The following RBFOX1 variants were observed in gnomAD, a reference collection of about 807,000 sequenced individuals.
RBFOX1 encodes RNA binding fox-1 homolog 1.
In RBFOX1, 8 loss-of-function variants were observed where a neutral mutation model predicts 57.7. That is an observed-to-expected ratio of 0.14 (90% CI 0.08 to 0.25). The LOEUF (loss-of-function observed/expected upper bound fraction) is 0.25, where lower values mean the gene tolerates loss of function less well. Among genes scored for constraint, RBFOX1 ranks in the 10% least tolerant of loss-of-function variants. RBFOX1 has a pLI of 1.00. For synonymous variants in RBFOX1, 326 were observed against 222.4 expected (o/e 1.47, Z -4.15); for missense variants, 611 against 548.5 (o/e 1.11, Z -1.14).
At chr16:5,843,897 G>C (rs1276938389) in intron 3 of RBFOX1, among the ~76,000 whole-genome samples, 1 of 152,206 alleles carries the variant, frequency 6.6e-6, no homozygotes, top group African/African-American at 2.4e-5. Context: ...AAGCGCACCT[G>C]AGTTGGGTTC....
intron 4 of RBFOX1, among the ~76,000 whole-genome samples, chr16:7,496,180 G>C (rs2068578890): frequency 6.6e-6 from 1 of 152,136 alleles, no homozygotes; most frequent in Non-Finnish European, 1.5e-5. Context: ...GTCTTGCTCT[G>C]TCTCCCAGGT....
At chr16:6,483,982 G>T in intron 2 of RBFOX1, 1 of 1,014,212 alleles carries the variant, frequency 9.9e-7, no homozygotes. Context: ...TGGGTGCCCC[G>T]TGGTGGGGGT....
chr16:6,643,641 G>A (rs1459897911), intron 2 of RBFOX1, among the ~76,000 whole-genome samples: 1 of 152,150 alleles, frequency 6.6e-6, no homozygotes, highest in East Asian at 1.9e-4. Context: ...GTGTAAGGGA[G>A]AGTATAAAAT....
chr16:7,475,141 T>C (rs181038227), intron 4 of RBFOX1, among the ~76,000 whole-genome samples: 1 of 152,234 alleles, frequency 6.6e-6, no homozygotes, highest in East Asian at 1.9e-4. Context: ...GTAGAGGTTG[T>C]CTTTCACGTG....
intron 1 of RBFOX1, among the ~76,000 whole-genome samples, chr16:6,169,723 C>G (rs892479011): frequency 9.2e-5 from 14 of 152,162 alleles, no homozygotes; most frequent in African/African-American, 3.1e-4. Context: ...TAGGATTGGC[C>G]AAGACTCAGT....
At chr16:5,934,521 G>C (rs190393353) in intron 4 of RBFOX1, among the ~76,000 whole-genome samples, 5 of 152,286 alleles carry the variant, frequency 3.3e-5, no homozygotes, top group African/African-American at 1.2e-4. Context: ...CCTAGTCCAC[G>C]ACTCACGTTG....
In RBFOX1 at chr16:7,020,073, C is replaced by T. The variant is rs141528961; in HGVS notation, c.-15-31984C>T. Among the ~76,000 whole-genome samples the T allele has an allele frequency of 6.5e-3, 981 of 151,962 alleles. 6 individuals carry two copies. Among genetic ancestry groups the T allele is most frequent in the Middle Eastern group, 0.014 (4 of 294 alleles). On this transcript the variant is annotated intron_variant, in intron 3 of 15. Coordinates refer to ENST00000550418, the MANE Select transcript of RBFOX1 (RefSeq NM_018723.4). Reference sequence around the variant, plus strand: ...GCTTAGGTGAACCTTTCATGTCTTCCTGTAGCCTCCCCACTTCCATTGTCA... The same window carrying T: ...GCTTAGGTGAACCTTTCATGTCTTCTTGTAGCCTCCCCACTTCCATTGTCA...
chr16:7,208,438 G>A (rs1179441356), intron 4 of RBFOX1, among the ~76,000 whole-genome samples: 1 of 152,194 alleles, frequency 6.6e-6, no homozygotes, highest in Non-Finnish European at 1.5e-5. Flanking sequence ...AGGACTTCAT[G>A]CTGCTTCCAC....
chr16:6,994,723 A>G (rs139777940), intron 3 of RBFOX1, among the ~76,000 whole-genome samples: 169 of 152,322 alleles, frequency 1.1e-3, no homozygotes, highest in African/African-American at 3.8e-3. Context: ...TGAAGCTATC[A>G]TATTCCACAG....
chr16:5,889,643 C>G (rs1428527571), intron 4 of RBFOX1, among the ~76,000 whole-genome samples: 1 of 152,230 alleles, frequency 6.6e-6, no homozygotes, highest in African/African-American at 2.4e-5. Context: ...AGACTCCACA[C>G]ATGTCCTCGT....
intron 1 of RBFOX1, among the ~76,000 whole-genome samples, chr16:6,223,035 A>C (rs947145084): frequency 1.3e-5 from 2 of 149,586 alleles, no homozygotes; most frequent in African/African-American, 4.9e-5. Flanking sequence ...TGAACTCATC[A>C]TTTTTTATGG....
At chr16:7,545,799 C>T (rs2084304803) in intron 5 of RBFOX1, among the ~76,000 whole-genome samples, 1 of 152,034 alleles carries the variant, frequency 6.6e-6, no homozygotes, top group South Asian at 2.1e-4. Context: ...CTCAGCTCTG[C>T]CATTCTGACA....
chr16:5,745,086 C>T (rs1193932148), intron 3 of RBFOX1, among the ~76,000 whole-genome samples: 1 of 152,148 alleles, frequency 6.6e-6, no homozygotes, highest in African/African-American at 2.4e-5. Context: ...AGTGCTATCC[C>T]TCCCCCTTCC....
chr16:5,687,497 G>T (rs1171216412), intron 3 of RBFOX1, among the ~76,000 whole-genome samples: 2 of 152,206 alleles, frequency 1.3e-5, no homozygotes, highest in Admixed American at 6.5e-5. Context: ...GAGTCATTCT[G>T]AAGCTATGTT....
intron 11 of RBFOX1, among the ~76,000 whole-genome samples, chr16:7,632,984 A>G (rs1307724771): frequency 6.6e-6 from 1 of 152,236 alleles, no homozygotes; most frequent in Non-Finnish European, 1.5e-5. Flanking sequence ...ACATGAAAAT[A>G]TTTCCCAAAT....
At chr16:6,906,206 C>T (rs1333756605) in intron 3 of RBFOX1, among the ~76,000 whole-genome samples, 1 of 151,680 alleles carries the variant, frequency 6.6e-6, no homozygotes, top group East Asian at 1.9e-4. Flanking sequence ...AGAAGGTGCC[C>T]ATCCTATGGG....
At position 6,133,602 on chromosome 16, in the gene RBFOX1, C is replaced by G. The variant is rs113270989; in HGVS notation, c.-127+113610C>G. On this transcript the variant is annotated intron_variant, in intron 1 of 15. Transcript: ENST00000550418. ...GGGAAGATCTGTTTAAAATCCATAT[C>G]TTATTTCACTCCCTACCTAAAACCC... 7.4e-4 allele frequency among the ~76,000 whole-genome samples: 112 copies of G among 152,308 alleles called. 1 individual carries two copies. The highest frequency in any genetic ancestry group is 2.5e-3 in the African/African-American group (106 of 41,570).
chr16:6,740,117 G>GA (rs2071606344), intron 3 of RBFOX1, among the ~76,000 whole-genome samples: 1 of 152,126 alleles, frequency 6.6e-6, no homozygotes, highest in South Asian at 2.1e-4. Context: ...TTCAGTATTT[G>GA]AAAATCAATT....
intron 4 of RBFOX1, among the ~76,000 whole-genome samples, chr16:7,199,610 G>C (rs2087752777): frequency 6.6e-6 from 1 of 152,136 alleles, no homozygotes; most frequent in Admixed American, 6.5e-5. Flanking sequence ...AGACAAAAAG[G>C]CTGGGCAGTG....
Sources: gnomAD v4.1 joint callset for allele counts (sites outside exome capture counted in the v4.1 genomes callset) on GRCh38, gnomAD v4.1.1 for gene constraint, MANE v1.5 for transcripts, NCBI Gene and HGNC (gene_info 2026-07-23, HGNC 2026-07-21) for gene names.